The following EPB41L3 variants were observed in gnomAD, a reference collection of about 807,000 sequenced individuals.
EPB41L3 encodes the protein band 4.1-like protein 3.
A neutral mutation model predicts 127.1 loss-of-function variants in EPB41L3; 57 were observed. The observed-to-expected ratio is 0.45, with a 90% CI of 0.36 to 0.56. The LOEUF (loss-of-function observed/expected upper bound fraction) is 0.56. Ranked by LOEUF, EPB41L3 falls within the 20% of genes least tolerant of loss-of-function variation. The pLI is 0.00. For missense variants in EPB41L3, 1,273 were observed against 1,372.2 expected (o/e 0.93, Z 1.14); for synonymous variants, 572 against 549.5 (o/e 1.04, Z -0.57).
chr18:5,445,319 G>A lies in EPB41L3; in HGVS notation c.382-75C>T, dbSNP rs2081318515. ...CTCCCAAATATCAGAGATAAAACCA[G>A]GTAATATTTAAAACATTGCTTGGTG... On this transcript the variant is annotated intron_variant, in intron 3 of 22. Transcript: ENST00000341928. 110 of 1,176,620 alleles carry A rather than the reference G, an allele frequency of 9.3e-5. 1 individual carries two copies. The South Asian group carries it at 1.4e-3, about 15-fold the overall frequency. The allele number at this position is 1,176,620 out of a possible 1,614,324, so 72.9% of individuals were successfully genotyped here.
Position 5,394,691 on chromosome 18 carries a change from C to T in EPB41L3, c.3256G>A (p.Glu1086Lys), listed in dbSNP as rs780460761. Residue 1086 changes from glutamate (E) to lysine (K), a missense_variant, in exon 22 of 23, where the codon GAG (glutamate) becomes AAG (lysine). Physicochemically the swap from Glu to Lys is moderately conservative, Grantham distance 56 (BLOSUM62 1). Transcript: ENST00000341928. ...KETEITPEDG[E>K]D ...TCACCTCTTACCTCTGGTCAATCCT[C>T]TCCATCTTCTGGTGTGATCTCTGTC... 6.2e-7 allele frequency: 1 copy of T among 1,614,024 alleles called. No individual in the cohort carries two copies. The highest frequency in any genetic ancestry group is 1.1e-5 in the South Asian group (1 of 91,080).
At chr18:5,552,679 AT>A (rs1305737670) in intron 3 of EPB41L3, among the ~76,000 whole-genome samples, 1 of 152,202 alleles carries the variant, frequency 6.6e-6, no homozygotes, top group Non-Finnish European at 1.5e-5. Flanking sequence ...CTGAGCATTT[AT>A]CTTGTATGAG....
rs1598827836 is a variant in EPB41L3, at chr18:5,429,718, C to T, written c.913-1253G>A. 3.3e-5 allele frequency among the ~76,000 whole-genome samples: 5 copies of T among 152,138 alleles called. No homozygotes were observed. The East Asian group carries it at 9.6e-4, about 29-fold the overall frequency. ...CTCCATGACACACTGAATTACTCTG[C>T]AGGAGTGGAAATATTTGATGGCAGG... On this transcript the variant is annotated intron_variant, in intron 8 of 22. Transcript: ENST00000341928.
chr18:5,512,512 C>CGAGTTCAAGATTTTCAGGGT (rs1311666963), intron 1 of EPB41L3, among the ~76,000 whole-genome samples: 1 of 152,036 alleles, frequency 6.6e-6, no homozygotes, highest in African/African-American at 2.4e-5. Flanking sequence ...CAATGGAGAA[C>CGAGTTCAAGATTTTCAGGGT]GAGTTCAAGA....
At chr18:5,629,708 TAGAG>T (rs568751468), upstream of EPB41L3, among the ~76,000 whole-genome samples, 1 of 151,888 alleles carries the variant, frequency 6.6e-6, no homozygotes, top group East Asian at 1.9e-4. Flanking sequence ...GAGGGAGCAC[TAGAG>T]AGAGAGCCCG....
chr18:5,450,237 C>T (rs934933113), intron 3 of EPB41L3, among the ~76,000 whole-genome samples: 10 of 151,994 alleles, frequency 6.6e-5, no homozygotes, highest in African/African-American at 1.7e-4. Flanking sequence ...TGAAACAGTC[C>T]GTTATCTGTA....
chr18:5,538,166 G>T (rs1304784764), intron 1 of EPB41L3, among the ~76,000 whole-genome samples: 1 of 152,104 alleles, frequency 6.6e-6, no homozygotes, highest in Non-Finnish European at 1.5e-5. Context: ...AAAATAGATT[G>T]GCCAAGGTGT....
chr18:5,531,648 G>GGGAGGT (rs937376894), intron 1 of EPB41L3, among the ~76,000 whole-genome samples: 9 of 150,884 alleles, frequency 6.0e-5, no homozygotes, highest in African/African-American at 1.7e-4. Context: ...ACTTGAACCT[G>GGGAGGT]GGAGGTGGAG....
At chr18:5,568,329 G>A (rs1223136955) in intron 3 of EPB41L3, among the ~76,000 whole-genome samples, 1 of 149,062 alleles carries the variant, frequency 6.7e-6, no homozygotes, top group Non-Finnish European at 1.5e-5. Context: ...TAAGTGAAAA[G>A]TGAAGACCAT....
At chr18:5,517,540 G>T (rs1048085540) in intron 1 of EPB41L3, among the ~76,000 whole-genome samples, 4 of 152,034 alleles carry the variant, frequency 2.6e-5, no homozygotes, top group African/African-American at 9.7e-5. Flanking sequence ...AGGTTCAAGC[G>T]ATTCTCCACC....
chr18:5,611,494 G>A (rs2094724819), intron 3 of EPB41L3, among the ~76,000 whole-genome samples: 1 of 152,214 alleles, frequency 6.6e-6, no homozygotes, highest in Non-Finnish European at 1.5e-5. Flanking sequence ...GTTGGTTAAT[G>A]TGTAGAGTTT....
rs2093785133 is a variant in EPB41L3, at chr18:5,543,099, C to T, written c.-12+814G>A. Among the ~76,000 whole-genome samples, 1 of 151,576 alleles carries T rather than the reference C, an allele frequency of 6.6e-6. No individual in the cohort carries two copies. The highest frequency in any genetic ancestry group is 1.5e-5 in the Non-Finnish European group (1 of 67,832). On this transcript the variant is annotated intron_variant, in intron 1 of 22. Coordinates refer to ENST00000341928, the MANE Select transcript of EPB41L3 (RefSeq NM_012307.5). The surrounding 1 kb of genome is among the most constrained non-coding windows in gnomAD (Gnocchi z 5.2). ...CCCGAGCCCCCGGGCCACGGCAGGC[C>T]GACCCAGGCGCCCCCGGCCCGCCCG...
chr18:5,566,783 TATTCTATTCC>T (rs1201000985), intron 3 of EPB41L3, among the ~76,000 whole-genome samples: 955 of 77,348 alleles, frequency 0.012, 11 homozygotes, highest in African/African-American at 0.025. Flanking sequence ...TATTCTATTC[TATTCTATTCC>T]ATTCCATTCC....
intron 1 of EPB41L3, among the ~76,000 whole-genome samples, chr18:5,516,187 C>T (rs78423832): frequency 0.043 from 6,554 of 152,306 alleles, 189 homozygotes; most frequent in Middle Eastern, 0.061. Flanking sequence ...ACCTCATTTC[C>T]ACTACGGATG....
chr18:5,511,354 G>A (rs999215456), intron 1 of EPB41L3, among the ~76,000 whole-genome samples: 1 of 134,410 alleles, frequency 7.4e-6, no homozygotes, highest in African/African-American at 2.8e-5. Context: ...AAGGTCCCAA[G>A]TCTCACCCTT....
At chr18:5,537,442 C>G (rs757634275) in intron 1 of EPB41L3, among the ~76,000 whole-genome samples, 2 of 152,144 alleles carry the variant, frequency 1.3e-5, no homozygotes, top group Admixed American at 6.5e-5. Context: ...AAAAACATCA[C>G]ATTCAATTTC....
At chr18:5,520,407 A>G (rs533349935) in intron 1 of EPB41L3, among the ~76,000 whole-genome samples, 11 of 152,304 alleles carry the variant, frequency 7.2e-5, no homozygotes, top group African/African-American at 2.6e-4. Flanking sequence ...AAAACCTTGA[A>G]CCAGCTTTTC....
chr18:5,536,161 T>C (rs1230545951), intron 1 of EPB41L3, among the ~76,000 whole-genome samples: 1 of 152,144 alleles, frequency 6.6e-6, no homozygotes, highest in Non-Finnish European at 1.5e-5. Flanking sequence ...AGGAAATCTA[T>C]GGTGAAAATT....
intron 3 of EPB41L3, among the ~76,000 whole-genome samples, chr18:5,599,133 T>C (rs926861055): frequency 6.6e-6 from 1 of 152,194 alleles, no homozygotes; most frequent in East Asian, 1.9e-4. Flanking sequence ...AATCATTTGA[T>C]TTTTCCATGT....
Sources: allele counts gnomAD v4.1 joint callset (sites outside exome capture counted in the v4.1 genomes callset), GRCh38; gene constraint gnomAD v4.1.1; non-coding constraint Gnocchi (gnomAD v3.1); transcripts MANE v1.5; gene names NCBI Gene and HGNC (gene_info 2026-07-23, HGNC 2026-07-21).